The following CR2 variants were observed in gnomAD, a reference collection of about 807,000 sequenced individuals.
CR2 encodes complement C3d receptor 2, also known as complement receptor type 2.
CR2 carries 96 observed loss-of-function variants against 123.0 expected under a neutral mutation model. That is an observed-to-expected ratio of 0.78 (90% CI 0.66 to 0.93). CR2 has a LOEUF of 0.93. CR2 is among the 40% of genes least tolerant of loss of function. The pLI, the probability that CR2 is intolerant of heterozygous loss-of-function variation, is 0.00. For missense variants in CR2, 1,258 were observed against 1,361.0 expected, an observed-to-expected ratio of 0.92 and a Z score of 1.19; for synonymous variants, 484 against 469.5, an observed-to-expected ratio of 1.03 and a Z score of -0.40.
chr1:207,477,753 A>G (rs1658481352), intron 15 of CR2, 132 bp from the exon 16 acceptor site: 2 of 743,788 alleles, frequency 2.7e-6, no homozygotes, highest in Non-Finnish European at 4.7e-6. Flanking sequence ...GTCTTATCCT[A>G]TTTCAGTGCA....
Position 207,466,748 on chromosome 1 carries a change from C to G in CR2, c.281C>G (p.Pro94Arg). ...YFNKYSSCPE[P>R]IVPGGYKIRG... ...AATAAATATTCTTCTTGCCCTGAGC[C>G]CATAGTACCAGGAGGATACAAAATT... is the stretch of plus-strand genomic sequence containing the variant. The change falls in exon 2 of 20, where the codon CCC (proline) becomes CGC (arginine). Residue 94 changes from proline to arginine, a missense_variant. Transcript: ENST00000367057. 6.2e-7 allele frequency: 1 copy of G among 1,614,022 alleles called. No homozygotes were observed. The highest frequency in any genetic ancestry group is 8.5e-7 in the Non-Finnish European group (1 of 1,179,966).
chr1:207,471,406 C>A lies in CR2; in HGVS notation c.1494-17C>A. Reference sequence around the variant, plus strand: ...GGTCACCTGATGGCAAAATGACATACGTGACTCTGTCTCTAGGTACAAGTT... The same window carrying A: ...GGTCACCTGATGGCAAAATGACATAAGTGACTCTGTCTCTAGGTACAAGTT... On this transcript the variant is annotated splice_polypyrimidine_tract_variant and intron_variant, in intron 8 of 19. Coordinates refer to ENST00000367057, the MANE Select transcript of CR2 (RefSeq NM_001006658.3). The A allele has an allele frequency of 6.3e-7, 1 of 1,590,546 alleles. No homozygotes were observed. The highest frequency in any genetic ancestry group is 8.6e-7 in the Non-Finnish European group (1 of 1,158,754).
intron 14 of CR2, among the ~76,000 whole-genome samples, chr1:207,475,518 G>A (rs1442452396): frequency 6.6e-6 from 1 of 152,150 alleles, no homozygotes; most frequent in Non-Finnish European, 1.5e-5. Context: ...ATACATTTTT[G>A]GCAAATGTTT....
chr1:207,471,679 A>AGGTTTT (rs1658285802), intron 9 of CR2, among the ~76,000 whole-genome samples, 180 bp downstream of exon 9: 2 of 152,190 alleles, frequency 1.3e-5, no homozygotes, highest in Non-Finnish European at 2.9e-5. Flanking sequence ...TTTCTTCATC[A>AGGTTTT]ATAACTTAAA....
Position 207,474,960 on chromosome 1 carries a change from G to A in CR2, c.2460G>A (p.Gln820=). 2.5e-6 allele frequency: 4 copies of A among 1,614,140 alleles called. No individual in the cohort carries two copies. The highest frequency in any genetic ancestry group is 1.7e-6 in the Non-Finnish European group (2 of 1,180,008). ...ATCTCCTGGGAGAGAAAAAATTGCA[G>A]TGCAGAAGTGATTCTAAAGGACATG... ...GFYLLGEKKL[Q]CRSDSKGHGS... Residue 820 remains glutamine, a synonymous_variant, in exon 14 of 20, where the codon CAG becomes CAA. Transcript: ENST00000367057.
Position 207,485,571 on chromosome 1 carries a change from TG to T in CR2, c.*18+1del. On this transcript the variant is annotated splice_region_variant and 3_prime_UTR_variant, in exon 19 of 20. Transcript: ENST00000367057. ...GCCAGCTGATCAGAAGACAAACTGG[TG>T]GTATGTAATGAAATGGAATATTATT... The T allele has an allele frequency of 6.7e-7, 1 of 1,489,798 alleles. No individual in the cohort carries two copies. The allele number at this position is 1,489,798 out of a possible 1,614,324, so 92.3% of individuals were successfully genotyped here.
chr1:207,487,301 G>T, intron 19 of CR2, among the ~76,000 whole-genome samples: 1 of 152,138 alleles, frequency 6.6e-6, no homozygotes, highest in Non-Finnish European at 1.5e-5. Flanking sequence ...TGCTGTTGTT[G>T]TTTGAGACAG....
Position 207,471,429 on chromosome 1 carries a change from G to T in CR2, c.1500G>T (p.Lys500Asn), listed in dbSNP as rs904218818. 1 of 1,612,092 alleles carries T rather than the reference G, an allele frequency of 6.2e-7. No homozygotes were observed. The change falls in exon 9 of 20, where the codon AAG becomes AAT. Residue 500 changes from lysine to asparagine, a missense_variant. By Grantham distance (94) the Lys-to-Asn change is moderately conservative. Transcript: ENST00000367057. ...TACGTGACTCTGTCTCTAGGTACAA[G>T]TTAAGTGGGAGTGTTTATCAGGAGT... ...DVNSSCGEGY[K>N]LSGSVYQECQ...
chr1:207,468,491 C>T (rs761278296), intron 2 of CR2, 36 bp from the exon 3 acceptor site: 1 of 1,609,074 alleles, frequency 6.2e-7, no homozygotes, highest in East Asian at 2.2e-5. Flanking sequence ...GATGCATCAT[C>T]TGACGGCTTT....
intron 1 of CR2, among the ~76,000 whole-genome samples, chr1:207,460,747 G>A (rs1421923459): frequency 6.6e-6 from 1 of 151,832 alleles, no homozygotes; most frequent in African/African-American, 2.4e-5. Flanking sequence ...AATAACTTCT[G>A]TTCCATTATT....
At position 207,473,584 on chromosome 1, in the gene CR2, C is replaced by A; in HGVS notation, c.2018C>A (p.Thr673Lys). ...SPPGLHHGRH[T>K]GGNTVFFVSG... Reference sequence around the variant, plus strand: ...CCTGGGCTCCACCATGGTCGTCATACAGGTGGAAATACGGTCTTCTTTGTC... The same window carrying A: ...CCTGGGCTCCACCATGGTCGTCATAAAGGTGGAAATACGGTCTTCTTTGTC... The change falls in exon 11 of 20, where the codon ACA (threonine) becomes AAA (lysine). Residue 673 changes from threonine to lysine, a missense_variant. Physicochemically the swap from Thr to Lys is moderately conservative, Grantham distance 78. Coordinates refer to ENST00000367057, the MANE Select transcript of CR2 (RefSeq NM_001006658.3). The A allele has an allele frequency of 6.2e-7, 1 of 1,613,904 alleles. No individual in the cohort carries two copies. The highest frequency in any genetic ancestry group is 8.5e-7 in the Non-Finnish European group (1 of 1,179,830).
Position 207,476,563 on chromosome 1 carries a change from T to C in CR2, c.2902+144T>C, listed in dbSNP as rs190597376. On this transcript the variant is annotated intron_variant, in intron 15 of 19. Coordinates refer to ENST00000367057, the MANE Select transcript of CR2 (RefSeq NM_001006658.3). ...AAAGGCTTTAATTAGATTAATACAATCATTAAATATCTCAAAATAAGAAAA... is the reference window on the plus strand; with the variant it reads ...AAAGGCTTTAATTAGATTAATACAACCATTAAATATCTCAAAATAAGAAAA... 2,210 of 737,138 alleles carry C rather than the reference T, an allele frequency of 3.0e-3. 8 individuals carry two copies. The highest frequency in any genetic ancestry group is 3.6e-3 in the Non-Finnish European group (1,630 of 458,930). 45.7% of individuals were successfully genotyped at this position (737,138 alleles called of 1,614,324 possible). A position where few individuals can be genotyped will look rare whatever the true frequency, so the allele number is the denominator to read the frequency against.
chr1:207,471,414 T>G lies in CR2; in HGVS notation c.1494-9T>G. 6.2e-7 allele frequency: 1 copy of G among 1,605,436 alleles called. No individual in the cohort carries two copies. Among genetic ancestry groups the G allele is most frequent in the Non-Finnish European group, 8.5e-7 (1 of 1,172,174 alleles). On this transcript the variant is annotated splice_polypyrimidine_tract_variant and intron_variant, in intron 8 of 19. Transcript: ENST00000367057. ...GATGGCAAAATGACATACGTGACTC[T>G]GTCTCTAGGTACAAGTTAAGTGGGA...
chr1:207,454,798 C>T lies in CR2; in HGVS notation c.58+322C>T. On this transcript the variant is annotated intron_variant, in intron 1 of 19. Transcript: ENST00000367057. The surrounding 1 kb of genome is among the most constrained non-coding windows in gnomAD (Gnocchi z 4.3). ...CCGCCCCCAGGATTCTGCAGGTGCT[C>T]ATCGCTCTCTGGCCGGCGGTCAGCG... The T allele has an allele frequency of 3.1e-6, 1 of 327,650 alleles. No individual in the cohort carries two copies. Among genetic ancestry groups the T allele is most frequent in the Non-Finnish European group, 5.6e-6 (1 of 177,828 alleles). The allele number at this position is 327,650 out of a possible 1,614,324, so 20.3% of individuals were successfully genotyped here. A position where few individuals can be genotyped will look rare whatever the true frequency, so the allele number is the denominator to read the frequency against.
intron 17 of CR2, 55 bp downstream of exon 17, chr1:207,479,335 G>T (rs1658535405): frequency 7.9e-7 from 1 of 1,269,760 alleles, no homozygotes; most frequent in Non-Finnish European, 1.1e-6. Flanking sequence ...TTAAAAATAT[G>T]TAATGCTAGA....
In CR2 at chr1:207,474,322, A is replaced by T. The variant is rs1382548358; in HGVS notation, c.2322A>T (p.Lys774Asn). ...GGTTCAAAAAGATTCCACTTTGTAA[A>T]GGTAAGTTAGAAAAAATAAAAGCCT... ...GIWFKKIPLC[K>N]VIHCHPPPVI... Residue 774 changes from lysine to asparagine, a missense_variant and splice_region_variant, in exon 13 of 20, where the codon AAA becomes AAT. Lys to Asn is a moderately conservative substitution (Grantham distance 94). Coordinates refer to ENST00000367057, the MANE Select transcript of CR2 (RefSeq NM_001006658.3). 1.2e-6 allele frequency: 2 copies of T among 1,605,740 alleles called. No individual in the cohort carries two copies. The highest frequency in any genetic ancestry group is 1.7e-6 in the Non-Finnish European group (2 of 1,172,596).
In CR2 at chr1:207,473,725, C is replaced by G. The variant is rs1558193364; in HGVS notation, c.2155+4C>G. The G allele has an allele frequency of 6.2e-7, 1 of 1,613,954 alleles. No individual in the cohort carries two copies. Among genetic ancestry groups the G allele is most frequent in the South Asian group, 1.1e-5 (1 of 91,074 alleles). On this transcript the variant is annotated splice_donor_region_variant and intron_variant, in intron 11 of 19. Transcript: ENST00000367057. ...CCTTCTGCCCCACGGTGTGAAGGTA[C>G]TTTAAGTTCCAGAGTTGTCCTTCTC... is the stretch of plus-strand genomic sequence containing the variant.
At chr1:207,485,406 A>T (rs1658721348) in intron 18 of CR2, 58 bp from the exon 19 acceptor site, 1 of 1,065,910 alleles carries the variant, frequency 9.4e-7, no homozygotes, top group Non-Finnish European at 1.5e-6. Flanking sequence ...AACAACTGCT[A>T]CATTGAAACA....
intron 18 of CR2, among the ~76,000 whole-genome samples, chr1:207,480,598 C>T (rs1658577985): frequency 6.6e-6 from 1 of 152,018 alleles, no homozygotes; most frequent in African/African-American, 2.4e-5. Flanking sequence ...TTTTCATACC[C>T]ACTTATTTCC....
Sources: gnomAD v4.1 joint callset for allele counts (sites outside exome capture counted in the v4.1 genomes callset) on GRCh38, gnomAD v4.1.1 for gene constraint, Gnocchi (gnomAD v3.1) non-coding constraint, MANE v1.5 for transcripts, NCBI Gene and HGNC (gene_info 2026-07-23, HGNC 2026-07-21) for gene names.